The following TGM3 variants were observed in gnomAD, a reference collection of about 807,000 sequenced individuals.
TGM3 encodes the protein transglutaminase 3, also known as protein-glutamine gamma-glutamyltransferase E.
In TGM3, 52 loss-of-function variants were observed where a neutral mutation model predicts 73.8. That is an observed-to-expected ratio of 0.70 (90% CI 0.56 to 0.89). The LOEUF (loss-of-function observed/expected upper bound fraction) is 0.89, where lower values mean the gene tolerates loss of function less well. TGM3 is among the 40% of genes least tolerant of loss of function. TGM3 has a pLI of 0.00. For synonymous variants in TGM3, 372 were observed against 354.9 expected (o/e 1.05, Z -0.54); for missense variants, 928 against 909.9 (o/e 1.02, Z -0.26).
chr20:2,310,562 C>T (rs2122219312), intron 3 of TGM3, 145 bp downstream of exon 3: 12 of 1,325,826 alleles, frequency 9.1e-6, no homozygotes, highest in Middle Eastern at 5.0e-4. Context: ...AAATGAGGAG[C>T]TCTGACACTT....
intron 8 of TGM3, 98 bp downstream of exon 8, chr20:2,326,050 G>A: frequency 8.5e-7 from 1 of 1,180,084 alleles, no homozygotes; most frequent in Non-Finnish European, 1.2e-6. Flanking sequence ...CTCTCCCTCT[G>A]GAATGCATGA....
intron 8 of TGM3, among the ~76,000 whole-genome samples, chr20:2,326,696 A>G (rs1216327661): frequency 7.2e-5 from 11 of 152,096 alleles, no homozygotes; most frequent in Admixed American, 7.2e-4. Flanking sequence ...TAAAAATACA[A>G]AATTAGTCGG....
intron 5 of TGM3, among the ~76,000 whole-genome samples, chr20:2,314,456 G>A (rs987692229): frequency 6.6e-6 from 1 of 151,516 alleles, no homozygotes; most frequent in Non-Finnish European, 1.5e-5. Flanking sequence ...ACTTTGGGAG[G>A]CTAAGGCAGA....
intron 2 of TGM3, 82 bp downstream of exon 2, chr20:2,309,912 C>G: frequency 1.9e-6 from 3 of 1,551,562 alleles, no homozygotes; most frequent in Non-Finnish European, 2.6e-6. Context: ...GGGGACCACA[C>G]TGGGGCCACT....
intron 5 of TGM3, among the ~76,000 whole-genome samples, 200 bp downstream of exon 5, chr20:2,313,226 G>C (rs943427930): frequency 6.6e-6 from 1 of 152,224 alleles, no homozygotes; most frequent in African/African-American, 2.4e-5. Flanking sequence ...CACACAGTGA[G>C]TATGTGGCAG....
intron 11 of TGM3, 93 bp downstream of exon 11, chr20:2,335,366 C>G: frequency 6.6e-7 from 1 of 1,511,264 alleles, no homozygotes. Flanking sequence ...ACAGCTCTCC[C>G]AGAGGGCAAA....
Position 2,328,326 on chromosome 20 carries a change from G to T in TGM3, c.1294G>T (p.Ala432Ser), listed in dbSNP as rs1280173227. The T allele has an allele frequency of 6.2e-7, 1 of 1,614,144 alleles. No homozygotes were observed. The highest frequency in any genetic ancestry group is 8.5e-7 in the Non-Finnish European group (1 of 1,180,040). Residue 432 changes from alanine to serine, a missense_variant, in exon 9 of 13, where the codon GCT (alanine) becomes TCT (serine). Transcript: ENST00000381458. This position sits in a 1 kb window ranked among gnomAD's most constrained non-coding sequence, Gnocchi z 5.2. ...CAGCACCAAGGCGGTGGGCAGCAATGCTCGCATGGACGTCACGGACAAGTA... is the reference window on the plus strand; with the variant it reads ...CAGCACCAAGGCGGTGGGCAGCAATTCTCGCATGGACGTCACGGACAAGTA... ...YISTKAVGSN[A>S]RMDVTDKYKY...
intron 5 of TGM3, among the ~76,000 whole-genome samples, chr20:2,316,035 A>G (rs182365703): frequency 4.6e-5 from 7 of 152,312 alleles, no homozygotes; most frequent in Non-Finnish European, 1.0e-4. Flanking sequence ...AATCTTAGAC[A>G]TTACACATTT....
intron 1 of TGM3, 136 bp from the exon 2 acceptor site, chr20:2,309,521 A>G (rs2084191558): frequency 2.5e-6 from 2 of 807,800 alleles, no homozygotes; most frequent in Non-Finnish European, 2.0e-6. Context: ...TTGGATTTTA[A>G]TGTGATTCTT....
intron 5 of TGM3, among the ~76,000 whole-genome samples, chr20:2,315,839 G>T (rs1010186095): frequency 1.3e-5 from 2 of 152,202 alleles, no homozygotes; most frequent in African/African-American, 4.8e-5. Flanking sequence ...AAGTGGCAAG[G>T]TGGGGCTTGT....
chr20:2,309,975 G>C, intron 2 of TGM3, 145 bp downstream of exon 2: 1 of 1,373,366 alleles, frequency 7.3e-7, no homozygotes, highest in South Asian at 1.4e-5. Context: ...CCTTGGGCAA[G>C]TTGCTGTCCA....
chr20:2,330,881 C>T (rs1023955422), intron 9 of TGM3, among the ~76,000 whole-genome samples: 1 of 151,520 alleles, frequency 6.6e-6, no homozygotes, highest in Non-Finnish European at 1.5e-5. Context: ...TGGCGGGCAC[C>T]TGTAATCCCA....
At chr20:2,308,918 C>T (rs1245428685) in intron 1 of TGM3, among the ~76,000 whole-genome samples, 1 of 150,894 alleles carries the variant, frequency 6.6e-6, no homozygotes, top group African/African-American at 2.5e-5. Flanking sequence ...GCTGTTGATG[C>T]CCAGGCTGTA....
chr20:2,313,064 A>G lies in TGM3; in HGVS notation c.669+38A>G, dbSNP rs760119990. 6.8e-6 allele frequency: 11 copies of G among 1,613,156 alleles called. No individual in the cohort carries two copies. In the South Asian group the frequency reaches 8.8e-5, roughly 13 times the overall value. ...AAAACGATCACAGCTAGTTGTCATC[A>G]TATATTGAACACCACCTATGAGCTA... On this transcript the variant is annotated intron_variant, in intron 5 of 12. Transcript: ENST00000381458.
intron 9 of TGM3, among the ~76,000 whole-genome samples, chr20:2,330,743 T>C (rs1310121012): frequency 6.6e-6 from 1 of 152,120 alleles, no homozygotes; most frequent in East Asian, 1.9e-4. Flanking sequence ...AAGTGGCTCA[T>C]GCCTGTAATC....
chr20:2,314,065 G>T (rs2084221164), intron 5 of TGM3, among the ~76,000 whole-genome samples: 1 of 152,152 alleles, frequency 6.6e-6, no homozygotes, highest in African/African-American at 2.4e-5. Flanking sequence ...AGCTACTTGG[G>T]AGACTGAGGT....
chr20:2,324,318 C>T (rs2084275975), intron 7 of TGM3, among the ~76,000 whole-genome samples: 1 of 152,092 alleles, frequency 6.6e-6, no homozygotes, highest in Admixed American at 6.6e-5. Context: ...CTAGTAGCTG[C>T]TTTAGTCTTT....
intron 5 of TGM3, among the ~76,000 whole-genome samples, chr20:2,313,725 G>T (rs751027573): frequency 6.6e-6 from 1 of 152,158 alleles, no homozygotes; most frequent in Non-Finnish European, 1.5e-5. Flanking sequence ...TGCACTCATT[G>T]TGTAGAGAAT....
intron 4 of TGM3, among the ~76,000 whole-genome samples, chr20:2,312,500 G>A (rs1397226559): frequency 6.6e-6 from 1 of 151,954 alleles, no homozygotes; most frequent in Non-Finnish European, 1.5e-5. Context: ...AGGCCAGACA[G>A]GCTAAACAGC....
Sources: gnomAD v4.1 joint callset for allele counts (sites outside exome capture counted in the v4.1 genomes callset) on GRCh38, gnomAD v4.1.1 for gene constraint, Gnocchi (gnomAD v3.1) non-coding constraint, MANE v1.5 for transcripts, NCBI Gene and HGNC (gene_info 2026-07-23, HGNC 2026-07-21) for gene names.